SLC24A2: variants seen among roughly 807,000 people sequenced by gnomAD.
SLC24A2 encodes solute carrier family 24 member 2, also known as sodium/potassium/calcium exchanger 2.
SLC24A2 carries 36 observed loss-of-function variants against 62.0 expected under a neutral mutation model. The observed-to-expected ratio is 0.58, with a 90% CI of 0.44 to 0.77. SLC24A2 has a LOEUF of 0.77. Among genes scored for constraint, SLC24A2 ranks in the 30% least tolerant of loss-of-function variants. SLC24A2 has a pLI of 0.00. For synonymous variants in SLC24A2, 358 were observed against 294.0 expected (o/e 1.22, Z -2.23); for missense variants, 846 against 817.9 (o/e 1.03, Z -0.42).
the SLC24A2 span, among the ~76,000 whole-genome samples, chr9:20,204,790 C>T: frequency 2.7e-5 from 4 of 146,986 alleles, no homozygotes; most frequent in African/African-American, 5.1e-5. Flanking sequence ...GTCACCCAGG[C>T]TGGAATGCAG....
chr9:20,003,212 G>C, the SLC24A2 span, among the ~76,000 whole-genome samples: 2 of 152,106 alleles, frequency 1.3e-5, no homozygotes, highest in Non-Finnish European at 2.9e-5. Context: ...ACTTGAACAC[G>C]TAACACACTT....
At chr9:20,144,044 TA>T in the SLC24A2 span, among the ~76,000 whole-genome samples, 1 of 152,168 alleles carries the variant, frequency 6.6e-6, no homozygotes, top group Non-Finnish European at 1.5e-5. Context: ...ACATGGTAAG[TA>T]AAAATCCAGT....
the SLC24A2 span, among the ~76,000 whole-genome samples, chr9:20,262,201 A>C: frequency 9.9e-5 from 15 of 152,210 alleles, no homozygotes; most frequent in African/African-American, 3.6e-4. Context: ...GGTTTTACTT[A>C]TAAGCAAATA....
chr9:20,121,928 CACA>C, the SLC24A2 span, among the ~76,000 whole-genome samples: 1 of 152,102 alleles, frequency 6.6e-6, no homozygotes, highest in African/African-American at 2.4e-5. Context: ...ATGCATTATA[CACA>C]ACTTCAAAGA....
the SLC24A2 span, among the ~76,000 whole-genome samples, chr9:20,081,942 C>G: frequency 1.3e-5 from 2 of 152,184 alleles, no homozygotes; most frequent in African/African-American, 2.4e-5. Context: ...TTTGTTCCCT[C>G]AGCCCTGATA....
At chr9:20,265,852 G>A in the SLC24A2 span, among the ~76,000 whole-genome samples, 2 of 152,190 alleles carry the variant, frequency 1.3e-5, no homozygotes, top group Non-Finnish European at 1.5e-5. Context: ...GAAAGAGAAT[G>A]AGTCCCTGAG....
the SLC24A2 span, among the ~76,000 whole-genome samples, chr9:19,813,531 C>A: frequency 3.3e-5 from 5 of 151,824 alleles, no homozygotes; most frequent in Middle Eastern, 3.2e-3. Context: ...GTTGGCCAGG[C>A]TGGTCTCAAA....
chr9:19,837,801 G>A, the SLC24A2 span, among the ~76,000 whole-genome samples: 3 of 151,884 alleles, frequency 2.0e-5, no homozygotes, highest in Non-Finnish European at 4.4e-5. Flanking sequence ...CAAATCATGA[G>A]TGAACTCCCA....
At chr9:19,645,954 C>T (rs1485803771) in intron 2 of SLC24A2, among the ~76,000 whole-genome samples, 1 of 152,210 alleles carries the variant, frequency 6.6e-6, no homozygotes, top group Non-Finnish European at 1.5e-5. Context: ...CTGCGTCTTC[C>T]TACCTGTGTG....
chr9:19,959,469 T>C, the SLC24A2 span, among the ~76,000 whole-genome samples: 1 of 152,194 alleles, frequency 6.6e-6, no homozygotes, highest in South Asian at 2.1e-4. Context: ...CACTTTACTC[T>C]TCTAATATAA....
the SLC24A2 span, among the ~76,000 whole-genome samples, chr9:20,307,160 G>GTAACC: frequency 6.6e-6 from 1 of 152,084 alleles, no homozygotes; most frequent in Admixed American, 6.5e-5. Context: ...ATTTGTCACA[G>GTAACC]ATAGAAAGTA....
chr9:19,643,742 TA>T (rs796448306), intron 2 of SLC24A2, among the ~76,000 whole-genome samples: 21 of 152,380 alleles, frequency 1.4e-4, no homozygotes, highest in African/African-American at 5.0e-4. Context: ...AATATATCTC[TA>T]TTAACTTGTT....
At chr9:19,842,409 C>A in the SLC24A2 span, among the ~76,000 whole-genome samples, 3 of 152,284 alleles carry the variant, frequency 2.0e-5, no homozygotes, top group Middle Eastern at 3.4e-3. Flanking sequence ...TAGGAGACAA[C>A]ACTTGAAAAG....
chr9:19,915,806 G>T, the SLC24A2 span, among the ~76,000 whole-genome samples: 1 of 151,896 alleles, frequency 6.6e-6, no homozygotes. Flanking sequence ...TGAGTTTTGT[G>T]AGGTTCTTTA....
At chr9:20,072,905 G>T in the SLC24A2 span, among the ~76,000 whole-genome samples, 4 of 152,082 alleles carry the variant, frequency 2.6e-5, no homozygotes, top group African/African-American at 9.7e-5. Flanking sequence ...CTCCAGAACT[G>T]TAAGAGAATA....
chr9:20,064,922 G>A, the SLC24A2 span, among the ~76,000 whole-genome samples: 4 of 152,182 alleles, frequency 2.6e-5, no homozygotes, highest in Non-Finnish European at 5.9e-5. Context: ...CTGGGGCAGG[G>A]AAGTGATACC....
the SLC24A2 span, among the ~76,000 whole-genome samples, chr9:19,810,607 C>G: frequency 6.6e-5 from 10 of 152,264 alleles, no homozygotes; most frequent in African/African-American, 2.4e-4. Context: ...TGCTAACTTA[C>G]TTTAATGTCT....
At chr9:19,626,522 A>G (rs1256349347) in intron 2 of SLC24A2, among the ~76,000 whole-genome samples, 2 of 152,156 alleles carry the variant, frequency 1.3e-5, no homozygotes, top group Non-Finnish European at 2.9e-5. Flanking sequence ...TTAACATTCC[A>G]CCAAGTCCTG....
chr9:19,670,183 G>C (rs968352210), intron 2 of SLC24A2, among the ~76,000 whole-genome samples: 1 of 152,108 alleles, frequency 6.6e-6, no homozygotes, highest in Non-Finnish European at 1.5e-5. Context: ...TCAGTCTTGA[G>C]ACCCCTTTTC....
Sources: gnomAD v4.1 joint callset for allele counts (sites outside exome capture counted in the v4.1 genomes callset) on GRCh38, gnomAD v4.1.1 for gene constraint, MANE v1.5 for transcripts, NCBI Gene and HGNC (gene_info 2026-07-23, HGNC 2026-07-21) for gene names.